Variants in RHOJ observed in about 807,000 individuals in gnomAD.
RHOJ encodes ras homolog family member J.
RHOJ carries 11 observed loss-of-function variants against 23.4 expected under a neutral mutation model. The observed-to-expected ratio is 0.47, with a 90% CI of 0.30 to 0.78. The LOEUF (loss-of-function observed/expected upper bound fraction) is 0.78, where lower values mean the gene tolerates loss of function less well. Ranked by LOEUF, RHOJ falls within the 30% of genes least tolerant of loss-of-function variation. The pLI is 0.08. For missense variants in RHOJ, 254 were observed against 273.4 expected, an observed-to-expected ratio of 0.93 and a Z score of 0.50; for synonymous variants, 102 against 102.7, an observed-to-expected ratio of 0.99 and a Z score of 0.04.
At chr14:63,228,083 G>A (rs1228823916) in intron 1 of RHOJ, among the ~76,000 whole-genome samples, 1 of 152,172 alleles carries the variant, frequency 6.6e-6, no homozygotes, top group Non-Finnish European at 1.5e-5. Context: ...GAGGTGAAAG[G>A]CCATAGATTC....
chr14:63,243,311 T>C (rs1192526091), intron 1 of RHOJ, among the ~76,000 whole-genome samples: 2 of 152,146 alleles, frequency 1.3e-5, no homozygotes, highest in Admixed American at 1.3e-4. Context: ...CTGTTTGGAA[T>C]GGCATAAGGA....
chr14:63,248,931 G>C (rs7154910), intron 1 of RHOJ, among the ~76,000 whole-genome samples: 58,745 of 152,026 alleles, frequency 0.39, 15,764 homozygotes, highest in African/African-American at 0.76. Context: ...CACTTCCCCC[G>C]CATCTCCACC....
intron 2 of RHOJ, among the ~76,000 whole-genome samples, chr14:63,275,625 C>T (rs760581713): frequency 2.7e-4 from 41 of 152,214 alleles, no homozygotes; most frequent in Non-Finnish European, 3.8e-4. Context: ...TCCTTCCCTG[C>T]ACTCCCCAAT....
chr14:63,268,224 T>G (rs1033979749), intron 1 of RHOJ, among the ~76,000 whole-genome samples: 3 of 152,208 alleles, frequency 2.0e-5, no homozygotes, highest in Non-Finnish European at 4.4e-5. Context: ...ATTTTTTTTT[T>G]GGAAATTTAA....
chr14:63,293,008 G>A lies in RHOJ; in HGVS notation c.*1984G>A, dbSNP rs1412740319. 6.6e-6 allele frequency: 1 copy of A among 150,386 alleles called. No individual in the cohort carries two copies. The highest frequency in any genetic ancestry group is 6.6e-5 in the Admixed American group (1 of 15,098). The allele number at this position is 150,386 out of a possible 1,614,324, so 9.3% of individuals were successfully genotyped here. On this transcript the variant is annotated 3_prime_UTR_variant, in exon 5 of 5. Transcript: ENST00000316754. ...TATTTCCCTTCTCTCCCATCTAATT[G>A]CTAAAGATTTTCTTTCATACGCACA...
intron 1 of RHOJ, among the ~76,000 whole-genome samples, chr14:63,234,813 A>G (rs1894759762): frequency 1.3e-5 from 2 of 152,226 alleles, no homozygotes; most frequent in Admixed American, 6.5e-5. Context: ...CATCCGCACT[A>G]TTATGCAAAT....
intron 2 of RHOJ, among the ~76,000 whole-genome samples, chr14:63,274,259 G>A (rs1056618919): frequency 6.6e-6 from 1 of 152,176 alleles, no homozygotes; most frequent in Non-Finnish European, 1.5e-5. Flanking sequence ...TAAAACCTCA[G>A]AACAAATGTT....
chr14:63,208,411 TTCCTTA>T (rs1894160330), intron 1 of RHOJ, among the ~76,000 whole-genome samples: 1 of 152,188 alleles, frequency 6.6e-6, no homozygotes, highest in Non-Finnish European at 1.5e-5. Flanking sequence ...ATTTATATGC[TTCCTTA>T]TTTTCCCATC....
chr14:63,263,397 C>A (rs568166452), intron 1 of RHOJ, among the ~76,000 whole-genome samples: 195 of 152,322 alleles, frequency 1.3e-3, no homozygotes, highest in African/African-American at 4.4e-3. Flanking sequence ...AAGATAAGGA[C>A]TCACGAAGCC....
At chr14:63,253,521 G>A (rs1228435362) in intron 1 of RHOJ, among the ~76,000 whole-genome samples, 1 of 151,892 alleles carries the variant, frequency 6.6e-6, no homozygotes, top group African/African-American at 2.4e-5. Context: ...ATGAGATACT[G>A]TACCTGGCCC....
intron 1 of RHOJ, among the ~76,000 whole-genome samples, chr14:63,221,425 A>G (rs944992316): frequency 2.0e-5 from 3 of 152,198 alleles, no homozygotes; most frequent in Admixed American, 1.3e-4. Context: ...ATGGGCTTAG[A>G]GTAGGTACTT....
At chr14:63,222,740 A>G (rs1392707236) in intron 1 of RHOJ, among the ~76,000 whole-genome samples, 1 of 151,924 alleles carries the variant, frequency 6.6e-6, no homozygotes, top group Non-Finnish European at 1.5e-5. Context: ...TTGTCAGATG[A>G]GTAGATTGCA....
At chr14:63,266,231 GT>G (rs1170214440) in intron 1 of RHOJ, among the ~76,000 whole-genome samples, 2 of 152,178 alleles carry the variant, frequency 1.3e-5, no homozygotes, top group Non-Finnish European at 2.9e-5. Context: ...CTAGAGTCAG[GT>G]TGCAATTTGG....
intron 1 of RHOJ, among the ~76,000 whole-genome samples, chr14:63,218,954 T>A (rs1039476369): frequency 6.6e-6 from 1 of 152,118 alleles, no homozygotes; most frequent in Admixed American, 6.5e-5. Flanking sequence ...GCACTTATGG[T>A]AGGAGAGGAA....
chr14:63,287,859 C>T (rs867370139), intron 4 of RHOJ, among the ~76,000 whole-genome samples: 28 of 152,252 alleles, frequency 1.8e-4, no homozygotes, highest in African/African-American at 6.5e-4. Context: ...CTGTGTAGGT[C>T]ATTTTGCTCC....
chr14:63,242,149 G>A (rs1894894124), intron 1 of RHOJ, among the ~76,000 whole-genome samples: 1 of 152,206 alleles, frequency 6.6e-6, no homozygotes, highest in African/African-American at 2.4e-5. Flanking sequence ...TAGCCTAAGT[G>A]TAGTTGTGTC....
At chr14:63,254,783 G>A (rs977038518) in intron 1 of RHOJ, among the ~76,000 whole-genome samples, 1 of 152,122 alleles carries the variant, frequency 6.6e-6, no homozygotes, top group African/African-American at 2.4e-5. Context: ...CAGATGGACA[G>A]ATGGACAGAG....
chr14:63,289,320 G>A (rs755237973), intron 4 of RHOJ, among the ~76,000 whole-genome samples: 4 of 152,208 alleles, frequency 2.6e-5, no homozygotes, highest in Non-Finnish European at 4.4e-5. Flanking sequence ...GGGGGCATGT[G>A]CTTTACAGCC....
intron 1 of RHOJ, among the ~76,000 whole-genome samples, chr14:63,266,209 T>C (rs1448045620): frequency 6.6e-6 from 1 of 152,202 alleles, no homozygotes; most frequent in Non-Finnish European, 1.5e-5. Flanking sequence ...TTCTCTTTCA[T>C]GTGATGCTAT....
Sources: allele counts gnomAD v4.1 joint callset (sites outside exome capture counted in the v4.1 genomes callset), GRCh38; gene constraint gnomAD v4.1.1; transcripts MANE v1.5; gene names NCBI Gene and HGNC (gene_info 2026-07-23, HGNC 2026-07-21).